GBP4: variants seen among roughly 807,000 people sequenced by gnomAD.
GBP4 encodes guanylate binding protein 4.
A neutral mutation model predicts 62.2 loss-of-function variants in GBP4; 69 were observed. That is an observed-to-expected ratio of 1.11 (90% CI 0.91 to 1.36). The LOEUF is 1.36. GBP4 is among the 40% of genes most tolerant of loss of function. GBP4 has a pLI of 0.00. For missense variants in GBP4, 697 were observed against 759.3 expected, an observed-to-expected ratio of 0.92 and a Z score of 0.96; for synonymous variants, 278 against 274.6, an observed-to-expected ratio of 1.01 and a Z score of -0.12.
rs1305468591 is a variant in GBP4 at position 89,182,079 on chromosome 1, G to C, written c.*3175C>G. ...TTGTAAATAAAGGACATAGGGTGAG[G>C]AAGCCGGGTTGTTTTAAGAAGCCTG... On this transcript the variant is annotated 3_prime_UTR_variant, in exon 11 of 11. Transcript: ENST00000355754. The C allele has an allele frequency of 6.6e-6, 1 of 152,186 alleles. No individual in the cohort carries two copies. The highest frequency in any genetic ancestry group is 2.4e-5 in the African/African-American group (1 of 41,452). The allele number at this position is 152,186 out of a possible 1,614,324, so 9.4% of individuals were successfully genotyped here. A position where few individuals can be genotyped will look rare whatever the true frequency, so the allele number is the denominator to read the frequency against.
intron 10 of GBP4, among the ~76,000 whole-genome samples, chr1:89,185,889 T>A (rs59574624): frequency 6.6e-6 from 1 of 152,242 alleles, no homozygotes; most frequent in Non-Finnish European, 1.5e-5. Context: ...TCTAGTTGTA[T>A]AGGATGAATC....
rs1418929387 is a variant in GBP4, at chr1:89,195,365, G to A, written c.295C>T (p.Pro99Ser). The change falls in exon 3 of 11, where the codon CCC becomes TCC. Residue 99 changes from proline to serine, a missense_variant. Around this residue, in one of 2 missense-constraint regions of GBP4, gnomAD observed 556 missense variants for 562.7 expected, o/e 0.99. Transcript: ENST00000355754. ...ETKGIWMWCV[P>S]HLSKPNHTLV... Reference sequence around the variant, plus strand: ...GTGTGGTTTGGCTTAGAGAGGTGGGGCACACACCACATCCAGATGCCCTTA... The same window carrying A: ...GTGTGGTTTGGCTTAGAGAGGTGGGACACACACCACATCCAGATGCCCTTA... 3 of 1,613,988 alleles carry A rather than the reference G, an allele frequency of 1.9e-6. No individual in the cohort carries two copies. The highest frequency in any genetic ancestry group is 2.5e-6 in the Non-Finnish European group (3 of 1,179,888).
intron 2 of GBP4, 105 bp from the exon 3 acceptor site, chr1:89,195,529 A>T: frequency 5.1e-6 from 7 of 1,365,832 alleles, no homozygotes; most frequent in Non-Finnish European, 7.1e-6. Context: ...CTGACAGGGG[A>T]AAAGGGTTGT....
rs1019090492 is a variant in GBP4, at chr1:89,182,887, C to CAAACAATATA, written c.*2357_*2366dup. The CAAACAATATA allele has an allele frequency of 2.6e-5, 4 of 152,232 alleles. No individual in the cohort carries two copies. The East Asian group carries it at 7.7e-4, about 29-fold the overall frequency. The allele number at this position is 152,232 out of a possible 1,614,324, so 9.4% of individuals were successfully genotyped here. On this transcript the variant is annotated 3_prime_UTR_variant, in exon 11 of 11. Transcript: ENST00000355754. ...TTTTCTTAAAACAGGTACTGAGTAT[C>CAAACAATATA]AAACAATATAAAACAATATAAGAAG...
intron 1 of GBP4, chr1:89,198,564 G>A: frequency 1.8e-6 from 1 of 554,428 alleles, no homozygotes; most frequent in Non-Finnish European, 3.3e-6. Context: ...GGAGACACCG[G>A]TGCGCCTCTG....
chr1:89,187,166 A>G, intron 8 of GBP4, 64 bp from the exon 9 acceptor site: 1 of 1,266,024 alleles, frequency 7.9e-7, no homozygotes, highest in Non-Finnish European at 1.2e-6. Flanking sequence ...TGATGGCGAA[A>G]TTATTGTTCA....
In GBP4 at chr1:89,192,991, C is replaced by T. The variant is rs150777601; in HGVS notation, c.583G>A (p.Val195Ile). 4 of 1,614,184 alleles carry T rather than the reference C, an allele frequency of 2.5e-6. No homozygotes were observed. The highest frequency in any genetic ancestry group is 3.4e-6 in the Non-Finnish European group (4 of 1,180,046). Reference protein sequence around the residue: ...ASFFPDFIWTVRDFTLELKLD... With the variant: ...ASFFPDFIWTIRDFTLELKLD... The stretch of plus-strand genomic sequence containing the variant: ...TTTAGCTCCAGGGTAAAATCCCGAA[C>T]AGTCCAAATAAAGTCTGGAAAGAAA... Residue 195 changes from valine (V) to isoleucine (I), a missense_variant, in exon 5 of 11, where the codon GTT becomes ATT. By Grantham distance (29) the Val-to-Ile change is conservative. Coordinates refer to ENST00000355754, the MANE Select transcript of GBP4 (RefSeq NM_052941.5).
In GBP4 at chr1:89,191,792, G is replaced by A. The variant is rs1397132558; in HGVS notation, c.671-286C>T. Among the ~76,000 whole-genome samples, 7 of 152,152 alleles carry A rather than the reference G, an allele frequency of 4.6e-5. No homozygotes were observed. In the South Asian group the frequency reaches 1.2e-3, roughly 27 times the overall value. On this transcript the variant is annotated intron_variant, in intron 5 of 10. Transcript: ENST00000355754. ...CTTGGCTTTTGTATGCTAGCCAGTA[G>A]ACTATGTATTAAATGTTTTTGAATG...
At position 89,190,219 on chromosome 1, in the gene GBP4, G is replaced by A. The variant is rs763766416; in HGVS notation, c.1016C>T (p.Pro339Leu). 4.6e-5 allele frequency: 75 copies of A among 1,614,044 alleles called. No individual in the cohort carries two copies. The highest frequency in any genetic ancestry group is 6.3e-5 in the Non-Finnish European group (74 of 1,180,026). ...AVTALAQLEN[P>L]AAVQRAADHY... ...GTCGGCTGCCCTCTGCACAGCCGCT[G>A]GGTTCTCAAGCTGGGCCAGTGCTGT... Residue 339 changes from proline (P) to leucine (L), a missense_variant, in exon 7 of 11, where the codon CCA (proline) becomes CTA (leucine). Around this residue, in one of 2 missense-constraint regions of GBP4, gnomAD observed 556 missense variants for 562.7 expected, o/e 0.99. Transcript: ENST00000355754.
chr1:89,195,418 G>T lies in GBP4; in HGVS notation c.242C>A (p.Pro81His). 1 of 1,613,770 alleles carries T rather than the reference G, an allele frequency of 6.2e-7. No individual in the cohort carries two copies. The highest frequency in any genetic ancestry group is 8.5e-7 in the Non-Finnish European group (1 of 1,179,794). The stretch of plus-strand genomic sequence containing the variant: ...TTCAGACTGCACCGTGGAGCCCAGA[G>T]GGAAGCCTGCAGGGAAGAGGAAAAA... ...NRLAGKRNGF[P>H]LGSTVQSETK... The change falls in exon 3 of 11, where the codon CCT becomes CAT. Residue 81 changes from proline (P) to histidine (H), a missense_variant. By Grantham distance (77) the Pro-to-His change is moderately conservative. Transcript: ENST00000355754.
rs561042 is a variant in GBP4, at chr1:89,186,388, T to C, written c.1652A>G (p.Glu551Gly). ...YMAQMEKKLE[E>G]ERENLLREHE... ...CTCTCTGAGAAGGTTTTCCCTTTCC[T>C]CCTCCAACTTCTTCTCCATTTGGGC... The change falls in exon 10 of 11, where the codon GAG becomes GGG. Residue 551 changes from glutamate to glycine, a missense_variant. By Grantham distance (98) the Glu-to-Gly change is moderately conservative (BLOSUM62 -2). Coordinates refer to ENST00000355754, the MANE Select transcript of GBP4 (RefSeq NM_052941.5). The C allele has an allele frequency of 0.46, 637,452 of 1,374,514 alleles. 175,229 individuals carry two copies. The highest frequency in any genetic ancestry group is 0.49 in the Non-Finnish European group (478,224 of 973,444). 85.1% of individuals were successfully genotyped at this position (1,374,514 alleles called of 1,614,324 possible). A position where few individuals can be genotyped will look rare whatever the true frequency, so the allele number is the denominator to read the frequency against.
Position 89,191,505 on chromosome 1 carries a change from G to T in GBP4, c.672C>A (p.Gly224=). The T allele has an allele frequency of 6.2e-7, 1 of 1,611,020 alleles. No individual in the cohort carries two copies. Among genetic ancestry groups the T allele is most frequent in the East Asian group, 2.2e-5 (1 of 44,820 alleles). ...YLENALKLIP[G]KNPKIQNSNM... The stretch of plus-strand genomic sequence containing the variant: ...TTGAATTTTGAATTTTGGGATTCTT[G>T]CCTGTGGAATTGTAAAAAAGAGGGC... The change falls in exon 6 of 11, where the codon GGC becomes GGA. Residue 224 remains glycine, a splice_region_variant and synonymous_variant. Coordinates refer to ENST00000355754, the MANE Select transcript of GBP4 (RefSeq NM_052941.5).
rs376552576 is a variant in GBP4 at position 89,193,294 on chromosome 1, G to A, written c.473+9C>T. ...CATAAAACCTGCTCTTCACTTCCCAGAAGGATACTGCAGCTGCTCCAGGGC... is the reference window on the plus strand; with the variant it reads ...CATAAAACCTGCTCTTCACTTCCCAAAAGGATACTGCAGCTGCTCCAGGGC... On this transcript the variant is annotated intron_variant, in intron 4 of 10. Transcript: ENST00000355754. 13 of 1,612,622 alleles carry A rather than the reference G, an allele frequency of 8.1e-6. No homozygotes were observed. The highest frequency in any genetic ancestry group is 1.7e-5 in the Admixed American group (1 of 60,024).
rs745931623 is a variant in GBP4, at chr1:89,188,647, G to A, written c.1345C>T (p.Leu449Phe). ...ACCTGTTTCTTTTCTTCTAAGTAGA[G>A]ATTGTGTCCTCCAGGAACAGAGAAA... The part of the protein sequence containing the change: ...GIFSVPGGHN[L>F]YLEEKKQVEW... Residue 449 changes from leucine (L) to phenylalanine (F), a missense_variant, in exon 8 of 11, where the codon CTC becomes TTC. Physicochemically the swap from Leu to Phe is conservative, Grantham distance 22. Around this residue, in one of 2 missense-constraint regions of GBP4, gnomAD observed 556 missense variants for 562.7 expected, o/e 0.99. Transcript: ENST00000355754. 30 of 1,614,080 alleles carry A rather than the reference G, an allele frequency of 1.9e-5. No individual in the cohort carries two copies. Among genetic ancestry groups the A allele is most frequent in the Non-Finnish European group, 2.5e-5 (30 of 1,180,036 alleles).
rs1295023682 is a variant in GBP4 at position 89,185,407 on chromosome 1, A to G, written c.1770T>C (p.Ile590=). ...TTTCAATTTTTTCTTTCAGTTGATT[A>G]ATCTCTTTATTTAACTGCTCAGATT... ...QKKSEQLNKE[I]NQLKEKIEST... The change falls in exon 11 of 11, where the codon ATT becomes ATC. Residue 590 remains isoleucine (I), a synonymous_variant. Transcript: ENST00000355754. 1.3e-6 allele frequency: 2 copies of G among 1,585,162 alleles called. No individual in the cohort carries two copies. The highest frequency in any genetic ancestry group is 1.7e-6 in the Non-Finnish European group (2 of 1,153,830).
At chr1:89,192,302 G>A (rs1340800418) in intron 5 of GBP4, among the ~76,000 whole-genome samples, 1 of 152,164 alleles carries the variant, frequency 6.6e-6, no homozygotes, top group Non-Finnish European at 1.5e-5. Flanking sequence ...ATTTTATGAA[G>A]CTGTAGAATG....
chr1:89,182,168 G>A lies in GBP4; in HGVS notation c.*3086C>T, dbSNP rs1174188572. 1 of 152,186 alleles carries A rather than the reference G, an allele frequency of 6.6e-6. No individual in the cohort carries two copies. The highest frequency in any genetic ancestry group is 6.5e-5 in the Admixed American group (1 of 15,282). The allele number at this position is 152,186 out of a possible 1,614,324, so 9.4% of individuals were successfully genotyped here. A position where few individuals can be genotyped will look rare whatever the true frequency, so the allele number is the denominator to read the frequency against. On this transcript the variant is annotated 3_prime_UTR_variant, in exon 11 of 11. Coordinates refer to ENST00000355754, the MANE Select transcript of GBP4 (RefSeq NM_052941.5). ...TTACAAGGAGTTCATTCTGTAGCAG[G>A]ATGAGCTGCAGACAAAACTTCTCAG...
Position 89,185,412 on chromosome 1 carries a change from C to G in GBP4, c.1765G>C (p.Glu589Gln). The G allele has an allele frequency of 2.5e-6, 4 of 1,579,574 alleles. No homozygotes were observed. The highest frequency in any genetic ancestry group is 3.5e-6 in the Non-Finnish European group (4 of 1,148,816). The stretch of plus-strand genomic sequence containing the variant: ...ATTTTTTCTTTCAGTTGATTAATCT[C>G]TTTATTTAACTGCTCAGATTTCTTT... ...FQKKSEQLNKEINQLKEKIES... is the reference protein window; with the variant it reads ...FQKKSEQLNKQINQLKEKIES... Residue 589 changes from glutamate (E) to glutamine (Q), a missense_variant, in exon 11 of 11, where the codon GAG becomes CAG. By Grantham distance (29) the Glu-to-Gln change is conservative (BLOSUM62 2). Transcript: ENST00000355754.
chr1:89,191,599 T>A (rs1261781206), intron 5 of GBP4, 93 bp from the exon 6 acceptor site: 2 of 1,233,744 alleles, frequency 1.6e-6, no homozygotes, highest in Non-Finnish European at 2.3e-6. Context: ...TCCCTGCAGC[T>A]CCCCTGCCTT....
Sources: allele counts gnomAD v4.1 joint callset (sites outside exome capture counted in the v4.1 genomes callset), GRCh38; gene constraint gnomAD v4.1.1; regional missense constraint gnomAD v4.1.1; transcripts MANE v1.5; gene names NCBI Gene and HGNC (gene_info 2026-07-23, HGNC 2026-07-21).